ZNF385B: variants seen among roughly 807,000 people sequenced by gnomAD.
ZNF385B encodes zinc finger protein 533.
A neutral mutation model predicts 39.2 loss-of-function variants in ZNF385B; 23 were observed. The ratio of observed to expected loss-of-function variants is 0.59; its 90% CI spans 0.42 to 0.83. ZNF385B has a LOEUF of 0.83. Ranked by LOEUF, ZNF385B falls within the 40% of genes least tolerant of loss-of-function variation. The pLI, the probability that ZNF385B is intolerant of heterozygous loss-of-function variation, is 0.00. For synonymous variants in ZNF385B, 205 were observed against 222.6 expected (o/e 0.92, Z 0.70); for missense variants, 552 against 598.9 (o/e 0.92, Z 0.82).
chr2:179,725,427 G>A (rs1238895281), intron 3 of ZNF385B, among the ~76,000 whole-genome samples: 6 of 151,596 alleles, frequency 4.0e-5, no homozygotes, highest in South Asian at 4.2e-4. Flanking sequence ...AAACACATAC[G>A]TGCATGTATA....
chr2:179,708,167 C>G (rs1302983067), intron 3 of ZNF385B, among the ~76,000 whole-genome samples: 1 of 152,180 alleles, frequency 6.6e-6, no homozygotes, highest in East Asian at 1.9e-4. Context: ...ACTGTAACCC[C>G]TAGAATCCCC....
chr2:179,473,284 A>AAAACAAGT (rs1407578335), intron 6 of ZNF385B, among the ~76,000 whole-genome samples: 1 of 152,218 alleles, frequency 6.6e-6, no homozygotes. Context: ...ATGAGGCAAG[A>AAAACAAGT]AAACAAGTAC....
At chr2:179,735,248 A>C (rs546020428) in intron 3 of ZNF385B, among the ~76,000 whole-genome samples, 19 of 150,184 alleles carry the variant, frequency 1.3e-4, no homozygotes, top group African/African-American at 4.4e-4. Flanking sequence ...TCTCAAAAGA[A>C]GACATTTATG....
intron 3 of ZNF385B, among the ~76,000 whole-genome samples, chr2:179,685,220 G>A (rs935733642): frequency 2.0e-5 from 3 of 151,788 alleles, no homozygotes; most frequent in East Asian, 1.9e-4. Context: ...TTTTTCTTTC[G>A]GTAAAAAGTT....
intron 3 of ZNF385B, among the ~76,000 whole-genome samples, chr2:179,756,347 C>T (rs1456908820): frequency 1.3e-5 from 2 of 152,280 alleles, no homozygotes; most frequent in East Asian, 3.9e-4. Context: ...GCCAAGAGAT[C>T]CGCTGTTAGT....
At chr2:179,675,796 T>A (rs1297786013) in intron 3 of ZNF385B, among the ~76,000 whole-genome samples, 1 of 151,980 alleles carries the variant, frequency 6.6e-6, no homozygotes, top group Non-Finnish European at 1.5e-5. Flanking sequence ...CAGTAATTTT[T>A]TTTTTTTTTT....
At chr2:179,647,036 G>A (rs975984061) in intron 3 of ZNF385B, among the ~76,000 whole-genome samples, 3 of 152,240 alleles carry the variant, frequency 2.0e-5, no homozygotes, top group South Asian at 4.1e-4. Context: ...TGCCCTCCGG[G>A]TCAGGCTGAC....
At chr2:179,811,161 T>C (rs1706708948) in intron 1 of ZNF385B, among the ~76,000 whole-genome samples, 1 of 152,006 alleles carries the variant, frequency 6.6e-6, no homozygotes, top group African/African-American at 2.4e-5. Flanking sequence ...AAATCAGAGA[T>C]GGTACAAATG....
chr2:179,656,334 TA>T (rs1351350938), intron 3 of ZNF385B, among the ~76,000 whole-genome samples: 2 of 152,114 alleles, frequency 1.3e-5, no homozygotes, highest in Non-Finnish European at 2.9e-5. Context: ...GATTCCCAAG[TA>T]AACTAAAGAG....
chr2:179,546,999 T>C (rs1344177642), intron 3 of ZNF385B, among the ~76,000 whole-genome samples: 4 of 149,972 alleles, frequency 2.7e-5, no homozygotes, highest in African/African-American at 7.5e-5. Flanking sequence ...CACATTTTCA[T>C]ATACCTGTTT....
chr2:179,832,715 T>C (rs572053555), intron 1 of ZNF385B, among the ~76,000 whole-genome samples: 1 of 152,326 alleles, frequency 6.6e-6, no homozygotes, highest in Non-Finnish European at 1.5e-5. Context: ...GTATACATTT[T>C]ATAATAATCA....
chr2:179,667,938 C>T (rs888839511), intron 3 of ZNF385B, among the ~76,000 whole-genome samples: 8 of 152,190 alleles, frequency 5.3e-5, no homozygotes, highest in Non-Finnish European at 7.3e-5. Context: ...CAGACCTCCT[C>T]CTCCTTAAGT....
chr2:179,619,996 T>G (rs1690076739), intron 3 of ZNF385B, among the ~76,000 whole-genome samples: 1 of 152,172 alleles, frequency 6.6e-6, no homozygotes, highest in Non-Finnish European at 1.5e-5. Flanking sequence ...TGACTTTTGG[T>G]GTTAATATAT....
chr2:179,618,347 T>C lies in ZNF385B; in HGVS notation c.299-73378A>G, dbSNP rs140328283. ...CAATATCTATGGTTCATTTCCACTA[T>C]AAGCTTTTGCACTTGCAGTCCCCCA... On this transcript the variant is annotated intron_variant, in intron 3 of 9. Coordinates refer to ENST00000410066, the MANE Select transcript of ZNF385B (RefSeq NM_152520.6). Among the ~76,000 whole-genome samples the C allele has an allele frequency of 8.2e-3, 1,252 of 152,276 alleles. 17 individuals are homozygous for C. Among genetic ancestry groups the C allele is most frequent in the African/African-American group, 0.029 (1,212 of 41,546 alleles).
At chr2:179,607,391 GCACCTCCTCCCT>G (rs1688898931) in intron 3 of ZNF385B, among the ~76,000 whole-genome samples, 1 of 151,804 alleles carries the variant, frequency 6.6e-6, no homozygotes, top group Non-Finnish European at 1.5e-5. Context: ...TAAAACTGTG[GCACCTCCTCCCT>G]CACTGTCTCT....
chr2:179,770,699 T>C (rs1271864777), intron 1 of ZNF385B, 27 bp from the exon 2 acceptor site: 4 of 152,222 alleles, frequency 2.6e-5, no homozygotes. Context: ...TATAAAATTT[T>C]AGTAAACTGG....
At chr2:179,533,324 G>C (rs763470364) in intron 4 of ZNF385B, among the ~76,000 whole-genome samples, 2 of 152,194 alleles carry the variant, frequency 1.3e-5, no homozygotes, top group Non-Finnish European at 2.9e-5. Flanking sequence ...GAAGTCTAAA[G>C]ACTGGTAGAT....
chr2:179,491,210 C>T (rs562328048), intron 5 of ZNF385B, among the ~76,000 whole-genome samples: 1 of 152,214 alleles, frequency 6.6e-6, no homozygotes, highest in African/African-American at 2.4e-5. Context: ...TTTAAGAATT[C>T]ATCAAGAAGT....
At chr2:179,575,766 T>C (rs746955279) in intron 3 of ZNF385B, among the ~76,000 whole-genome samples, 1 of 151,202 alleles carries the variant, frequency 6.6e-6, no homozygotes, top group Admixed American at 6.6e-5. Flanking sequence ...TATGCCCAAG[T>C]GTTTTGGTAT....
Sources: gnomAD v4.1 joint callset for allele counts (sites outside exome capture counted in the v4.1 genomes callset) on GRCh38, gnomAD v4.1.1 for gene constraint, MANE v1.5 for transcripts, NCBI Gene and HGNC (gene_info 2026-07-23, HGNC 2026-07-21) for gene names.